The following LRMDA variants were observed in gnomAD, a reference collection of about 807,000 sequenced individuals.
LRMDA encodes the protein leucine rich melanocyte differentiation associated.
Under a neutral mutation model 29.8 loss-of-function variants are expected in LRMDA, and 18 were observed. The observed-to-expected ratio is 0.60, with a 90% CI of 0.42 to 0.90. The LOEUF is 0.90. LRMDA is among the 40% of genes least tolerant of loss of function. The probability of loss-of-function intolerance (pLI) is 0.00; values close to 1 mark genes in which losing one functional copy is unlikely to be tolerated. For missense variants in LRMDA, 273 were observed against 273.9 expected (o/e 1.00, Z 0.02); for synonymous variants, 125 against 109.4 (o/e 1.14, Z -0.89).
chr10:76,492,680 A>G (rs1167729617), intron 6 of LRMDA, among the ~76,000 whole-genome samples: 3 of 152,010 alleles, frequency 2.0e-5, no homozygotes, highest in African/African-American at 7.2e-5. Flanking sequence ...GGTTTAATTG[A>G]CTCACAGTTC....
chr10:76,444,409 G>T (rs1842333305), intron 6 of LRMDA, among the ~76,000 whole-genome samples: 1 of 152,160 alleles, frequency 6.6e-6, no homozygotes, highest in Non-Finnish European at 1.5e-5. Context: ...CTCGAGCCCT[G>T]GTCTGAGTTC....
chr10:75,843,372 T>A (rs1844574798), intron 2 of LRMDA, among the ~76,000 whole-genome samples: 1 of 152,216 alleles, frequency 6.6e-6, no homozygotes, highest in African/African-American at 2.4e-5. Context: ...GAAGCTGGGT[T>A]TGAGTTCCAT....
chr10:76,165,461 G>A (rs1166463811), intron 5 of LRMDA, among the ~76,000 whole-genome samples: 3 of 152,130 alleles, frequency 2.0e-5, no homozygotes, highest in African/African-American at 4.8e-5. Context: ...TAGTAGAGAC[G>A]GGGTTTCACC....
chr10:76,208,660 T>C (rs1309008854), intron 5 of LRMDA, among the ~76,000 whole-genome samples: 3 of 152,192 alleles, frequency 2.0e-5, no homozygotes, highest in Admixed American at 6.5e-5. Context: ...AGGAAACACA[T>C]GTGCATTGCA....
intron 6 of LRMDA, among the ~76,000 whole-genome samples, chr10:76,485,338 A>G (rs1383944641): frequency 6.6e-6 from 1 of 151,866 alleles, no homozygotes; most frequent in African/African-American, 2.4e-5. Context: ...AAAGTTTGTA[A>G]TACACGTTTA....
At chr10:75,903,593 A>G (rs1330738697) in intron 2 of LRMDA, among the ~76,000 whole-genome samples, 3 of 152,262 alleles carry the variant, frequency 2.0e-5, no homozygotes, top group Admixed American at 2.0e-4. Context: ...AACAATAATA[A>G]TGATGATGAC....
At chr10:76,530,243 A>G (rs1048600490) in intron 6 of LRMDA, among the ~76,000 whole-genome samples, 4 of 152,164 alleles carry the variant, frequency 2.6e-5, no homozygotes, top group African/African-American at 9.7e-5. Context: ...CTTTCTTGAA[A>G]TGGATCAGAA....
At chr10:75,832,762 A>G (rs1844367438) in intron 2 of LRMDA, among the ~76,000 whole-genome samples, 1 of 152,212 alleles carries the variant, frequency 6.6e-6, no homozygotes, top group Admixed American at 6.5e-5. Context: ...AGCAAGTCAC[A>G]TCTTACGTGG....
At chr10:76,186,911 T>C (rs556277412) in intron 5 of LRMDA, among the ~76,000 whole-genome samples, 33 of 152,234 alleles carry the variant, frequency 2.2e-4, no homozygotes, top group Non-Finnish European at 4.4e-4. Context: ...GTTGGTCTTT[T>C]GCAATAATTC....
intron 2 of LRMDA, among the ~76,000 whole-genome samples, chr10:75,993,610 G>A (rs1039138591): frequency 3.9e-5 from 6 of 152,026 alleles, no homozygotes; most frequent in Non-Finnish European, 5.9e-5. Context: ...GTGGGTGCCT[G>A]TAATCCCAGC....
intron 5 of LRMDA, among the ~76,000 whole-genome samples, chr10:76,073,561 GTGTGTGTGTGTA>G (rs1564645844): frequency 6.6e-6 from 1 of 151,830 alleles, no homozygotes; most frequent in African/African-American, 2.4e-5. Context: ...TGCAGGGTAT[GTGTGTGTGTGTA>G]TGTGTGTTTC....
At chr10:76,097,178 T>C (rs1849325746) in intron 5 of LRMDA, among the ~76,000 whole-genome samples, 1 of 152,030 alleles carries the variant, frequency 6.6e-6, no homozygotes, top group Admixed American at 6.6e-5. Context: ...GCCTGGCTTA[T>C]TTTTGTATTT....
chr10:76,367,711 G>A (rs1589153615), intron 6 of LRMDA, among the ~76,000 whole-genome samples: 3 of 152,072 alleles, frequency 2.0e-5, no homozygotes, highest in Non-Finnish European at 2.9e-5. Context: ...GCCTCCCAAA[G>A]TGCTGGGATT....
At chr10:76,289,760 C>T (rs1840316474) in intron 5 of LRMDA, among the ~76,000 whole-genome samples, 1 of 152,168 alleles carries the variant, frequency 6.6e-6, no homozygotes. Context: ...CAGTAATTGT[C>T]CTGATGAATT....
At chr10:76,394,336 A>C (rs1456643611) in intron 6 of LRMDA, among the ~76,000 whole-genome samples, 5 of 152,196 alleles carry the variant, frequency 3.3e-5, no homozygotes, top group Non-Finnish European at 4.4e-5. Flanking sequence ...GTAAGAGTCC[A>C]AATGTTCTGT....
intron 5 of LRMDA, among the ~76,000 whole-genome samples, chr10:76,204,995 C>T (rs1327925873): frequency 6.6e-6 from 1 of 152,120 alleles, no homozygotes; most frequent in East Asian, 1.9e-4. Context: ...ATATATTTGA[C>T]AAATGAGGGC....
chr10:76,337,875 T>C (rs984122060), intron 6 of LRMDA, among the ~76,000 whole-genome samples: 10 of 152,098 alleles, frequency 6.6e-5, no homozygotes, highest in Non-Finnish European at 7.4e-5. Flanking sequence ...TGGTTTCTTG[T>C]TGGTTAAGCT....
chr10:76,006,066 A>C (rs957252859), intron 2 of LRMDA, among the ~76,000 whole-genome samples: 2 of 152,140 alleles, frequency 1.3e-5, no homozygotes, highest in African/African-American at 4.8e-5. Flanking sequence ...TGTTTCACAA[A>C]GGGAAAGAGA....
At chr10:75,886,419 C>A (rs1430085138) in intron 2 of LRMDA, among the ~76,000 whole-genome samples, 3 of 152,158 alleles carry the variant, frequency 2.0e-5, no homozygotes, top group Admixed American at 2.0e-4. Context: ...AATTATCCTG[C>A]ACCACATAAC....
Sources: gnomAD v4.1 joint callset for allele counts (sites outside exome capture counted in the v4.1 genomes callset) on GRCh38, gnomAD v4.1.1 for gene constraint, MANE v1.5 for transcripts, NCBI Gene and HGNC (gene_info 2026-07-23, HGNC 2026-07-21) for gene names.